Variants in CCDC77 observed in about 807,000 individuals in gnomAD.
The protein encoded by CCDC77 is coiled-coil domain containing 77.
In CCDC77, 56 loss-of-function variants were observed where a neutral mutation model predicts 66.8. The observed-to-expected ratio is 0.84, with a 90% confidence interval of 0.68 to 1.05. The LOEUF (loss-of-function observed/expected upper bound fraction) is 1.05, where lower values mean the gene tolerates loss of function less well. CCDC77 is among the 50% of genes least tolerant of loss of function. The pLI, the probability that CCDC77 is intolerant of heterozygous loss-of-function variation, is 0.00. For missense variants in CCDC77, 570 were observed against 576.8 expected, an observed-to-expected ratio of 0.99 and a Z score of 0.12; for synonymous variants, 196 against 195.2, an observed-to-expected ratio of 1.00 and a Z score of -0.03.
intron 2 of CCDC77, among the ~76,000 whole-genome samples, chr12:408,228 C>T (rs1431129545): frequency 6.6e-6 from 1 of 152,152 alleles, no homozygotes; most frequent in East Asian, 1.9e-4. Flanking sequence ...ATCAGCCTCT[C>T]TCCCTCTCTC....
chr12:424,029 G>T (rs929259622), intron 5 of CCDC77, among the ~76,000 whole-genome samples: 3 of 152,134 alleles, frequency 2.0e-5, no homozygotes, highest in Non-Finnish European at 1.5e-5. Flanking sequence ...CCCAGGCAGT[G>T]GCGTGATCAC....
Position 409,496 on chromosome 12 carries a change from A to C in CCDC77, c.38+75A>C, listed in dbSNP as rs1945065128. On this transcript the variant is annotated intron_variant, in intron 3 of 12. Coordinates refer to ENST00000239830, the MANE Select transcript of CCDC77 (RefSeq NM_032358.4). ...GCCTTAGTCTAAGCATAGGAACTGG[A>C]AAGGTATTGGAAACATATTTCCTAA... 3 of 1,344,916 alleles carry C rather than the reference A, an allele frequency of 2.2e-6. No homozygotes were observed. In the African/African-American group the frequency reaches 4.4e-5, roughly 20 times the overall value. 83.3% of individuals were successfully genotyped at this position (1,344,916 alleles called of 1,614,324 possible).
Position 428,510 on chromosome 12 carries a change from C to CAAAAAAAA in CCDC77, c.414-240_414-233dup, listed in dbSNP as rs59414510. Among the ~76,000 whole-genome samples, 187 of 57,886 alleles carry CAAAAAAAA rather than the reference C, an allele frequency of 3.2e-3. 9 individuals carry two copies. The highest frequency in any genetic ancestry group is 0.012 in the African/African-American group (168 of 13,740). 38.0% of individuals were successfully genotyped at this position (57,886 alleles called of 152,430 possible). ...TGGACAACAGAGCGAGACTCTGTCTCAAAAAAAAAAAAAAAAAAAAAAAAA... is the reference window on the plus strand; with the variant it reads ...TGGACAACAGAGCGAGACTCTGTCTCAAAAAAAAAAAAAAAAAAAAAAAAAAAAAAAAA... On this transcript the variant is annotated intron_variant, in intron 5 of 12. Coordinates refer to ENST00000239830, the MANE Select transcript of CCDC77 (RefSeq NM_032358.4).
intron 9 of CCDC77, among the ~76,000 whole-genome samples, chr12:434,162 T>A (rs1945703359): frequency 1.4e-5 from 2 of 147,322 alleles, no homozygotes; most frequent in Admixed American, 6.8e-5. Flanking sequence ...GCACATACTT[T>A]AAAAAAAAAA....
Position 438,428 on chromosome 12 carries a change from T to A in CCDC77, c.915T>A (p.Leu305=). The A allele has an allele frequency of 1.2e-6, 2 of 1,613,890 alleles. No homozygotes were observed. Among genetic ancestry groups the A allele is most frequent in the Non-Finnish European group, 1.7e-6 (2 of 1,179,804 alleles). The stretch of plus-strand genomic sequence containing the variant: ...AAAATAAAGAGAAGTCATGGATGCT[T>A]GAAAAAGATAATTTGATGTCAAAGA... ...ENQNKEKSWM[L]EKDNLMSKIK... is the part of the protein sequence containing the mutation. Residue 305 remains leucine (L), a synonymous_variant, in exon 10 of 13, where the codon CTT becomes CTA. Transcript: ENST00000239830.
intron 1 of CCDC77, among the ~76,000 whole-genome samples, chr12:405,176 G>A (rs1944969785): frequency 6.6e-6 from 1 of 152,222 alleles, no homozygotes; most frequent in Non-Finnish European, 1.5e-5. Flanking sequence ...TATGCTAAGT[G>A]AAACAAGACA....
chr12:427,676 A>G (rs1945561240), intron 5 of CCDC77, among the ~76,000 whole-genome samples: 1 of 152,024 alleles, frequency 6.6e-6, no homozygotes, highest in African/African-American at 2.4e-5. Flanking sequence ...AGGTTTCACC[A>G]TGTTGGCCAG....
intron 4 of CCDC77, among the ~76,000 whole-genome samples, chr12:417,068 G>T (rs1024476245): frequency 6.6e-6 from 1 of 151,092 alleles, no homozygotes; most frequent in Admixed American, 6.6e-5. Context: ...AGGAGGTGGA[G>T]GTTGCAGTGA....
At chr12:414,868 GTCC>G (rs1442984757) in intron 4 of CCDC77, among the ~76,000 whole-genome samples, 1 of 152,114 alleles carries the variant, frequency 6.6e-6, no homozygotes, top group Non-Finnish European at 1.5e-5. Context: ...CTGTGACGGT[GTCC>G]TCCTTGCCAG....
chr12:426,421 C>T (rs1945533970), intron 5 of CCDC77, among the ~76,000 whole-genome samples: 1 of 152,120 alleles, frequency 6.6e-6, no homozygotes, highest in Admixed American at 6.6e-5. Context: ...TCTTATCTTC[C>T]AGAATCCATC....
At chr12:437,912 CT>C (rs2137619956) in intron 9 of CCDC77, among the ~76,000 whole-genome samples, 1 of 149,934 alleles carries the variant, frequency 6.7e-6, no homozygotes, top group African/African-American at 2.4e-5. Flanking sequence ...ATAGGCAGTT[CT>C]ACATGGAGCA....
intron 10 of CCDC77, among the ~76,000 whole-genome samples, chr12:439,852 A>T (rs766374575): frequency 1.3e-5 from 2 of 152,222 alleles, no homozygotes; most frequent in Non-Finnish European, 2.9e-5. Flanking sequence ...CATGAAAATT[A>T]TATGTAGTTG....
At chr12:402,280 A>T (rs149230424) in intron 1 of CCDC77, among the ~76,000 whole-genome samples, 3 of 152,330 alleles carry the variant, frequency 2.0e-5, no homozygotes, top group East Asian at 3.9e-4. Flanking sequence ...TAGGGAGCGC[A>T]CGCTAGCATG....
intron 9 of CCDC77, among the ~76,000 whole-genome samples, chr12:433,818 A>G (rs1381625235): frequency 6.6e-6 from 1 of 152,188 alleles, no homozygotes; most frequent in Non-Finnish European, 1.5e-5. Context: ...CGGTGCTTTT[A>G]TCTAGAGACA....
intron 3 of CCDC77, among the ~76,000 whole-genome samples, chr12:410,267 G>GTTT (rs5795915): frequency 9.9e-4 from 148 of 148,790 alleles, no homozygotes; most frequent in East Asian, 2.8e-3. Context: ...TACTATTTTT[G>GTTT]TTTTTTTTTT....
At chr12:410,266 T>TG (rs944326849) in intron 3 of CCDC77, among the ~76,000 whole-genome samples, 8 of 72,900 alleles carry the variant, frequency 1.1e-4, no homozygotes, top group Non-Finnish European at 2.8e-4. Context: ...GTACTATTTT[T>TG]GTTTTTTTTT....
At chr12:392,958 T>C (rs1165747230) in intron 1 of CCDC77, among the ~76,000 whole-genome samples, 1 of 151,986 alleles carries the variant, frequency 6.6e-6, no homozygotes, top group Non-Finnish European at 1.5e-5. Context: ...TTTACATTTT[T>C]TGTACTTTTT....
intron 5 of CCDC77, among the ~76,000 whole-genome samples, chr12:423,478 TGTTTTTTTTTGTTTTG>T (rs1565572187): frequency 0.058 from 1,035 of 17,694 alleles, 72 homozygotes; most frequent in Middle Eastern, 0.16. Context: ...GTGTTTTTTG[TGTTTTTTTTTGTTTTG>T]TTTTTTTTTT....
chr12:412,991 T>G (rs1424920485), intron 4 of CCDC77, among the ~76,000 whole-genome samples: 1 of 151,958 alleles, frequency 6.6e-6, no homozygotes, highest in Non-Finnish European at 1.5e-5. Flanking sequence ...CAGGCTGGAG[T>G]GCAGTGGCGC....
Sources: gnomAD v4.1 joint callset for allele counts (sites outside exome capture counted in the v4.1 genomes callset) on GRCh38, gnomAD v4.1.1 for gene constraint, MANE v1.5 for transcripts, NCBI Gene and HGNC (gene_info 2026-07-23, HGNC 2026-07-21) for gene names.